TCF12: variants seen among roughly 807,000 people sequenced by gnomAD.
TCF12 encodes the protein DNA-binding protein HTF4.
Under a neutral mutation model 86.0 loss-of-function variants are expected in TCF12, and 45 were observed. The ratio of observed to expected loss-of-function variants is 0.52; its 90% CI spans 0.41 to 0.67. The LOEUF (loss-of-function observed/expected upper bound fraction) is 0.67, where lower values mean the gene tolerates loss of function less well. TCF12 is among the 30% of genes least tolerant of loss of function. The pLI is 0.00. For missense variants in TCF12, 881 were observed against 859.9 expected (o/e 1.02, Z -0.31); for synonymous variants, 330 against 299.6 (o/e 1.10, Z -1.05).
At chr15:57,220,941 A>C (rs2058561734) in intron 8 of TCF12, among the ~76,000 whole-genome samples, 1 of 152,176 alleles carries the variant, frequency 6.6e-6, no homozygotes, top group East Asian at 1.9e-4. Flanking sequence ...TAAGTTATAG[A>C]GAATATTCAA....
chr15:56,927,609 A>C (rs1951079874), intron 3 of TCF12, among the ~76,000 whole-genome samples: 1 of 152,068 alleles, frequency 6.6e-6, no homozygotes, highest in Non-Finnish European at 1.5e-5. Flanking sequence ...ATTTTTGTTA[A>C]TTTGCTTTTT....
chr15:57,078,157 T>C (rs1394843098), intron 4 of TCF12, among the ~76,000 whole-genome samples: 1 of 152,192 alleles, frequency 6.6e-6, no homozygotes, highest in East Asian at 1.9e-4. Context: ...GGGTATTCTT[T>C]AGCAAATCTT....
At chr15:57,259,592 T>C (rs1266888166) in intron 16 of TCF12, among the ~76,000 whole-genome samples, 3 of 152,350 alleles carry the variant, frequency 2.0e-5, no homozygotes, top group African/African-American at 7.2e-5. Context: ...AGATTGAGTA[T>C]GCAGGATGGT....
chr15:57,045,428 T>A (rs1203432532), intron 3 of TCF12, among the ~76,000 whole-genome samples: 1 of 152,238 alleles, frequency 6.6e-6, no homozygotes, highest in African/African-American at 2.4e-5. Context: ...TGACTGACTT[T>A]AAAGAGCAGT....
intron 5 of TCF12, among the ~76,000 whole-genome samples, chr15:57,142,736 G>C (rs1596785179): frequency 1.3e-5 from 2 of 152,158 alleles, no homozygotes; most frequent in African/African-American, 4.8e-5. Flanking sequence ...ACCACCTAAT[G>C]AAGTGGTCGA....
chr15:57,208,029 G>A (rs1453055771), intron 8 of TCF12, among the ~76,000 whole-genome samples: 1 of 139,278 alleles, frequency 7.2e-6, no homozygotes, highest in African/African-American at 2.5e-5. Flanking sequence ...CTGACTTCAA[G>A]ATTCTTTTTT....
chr15:57,258,284 T>TAA (rs1170700717), intron 16 of TCF12, among the ~76,000 whole-genome samples: 1 of 151,808 alleles, frequency 6.6e-6, no homozygotes, highest in Non-Finnish European at 1.5e-5. Context: ...TGTATCAATT[T>TAA]AAAAAAAAGG....
In TCF12 at chr15:57,141,506, C is replaced by T. The variant is rs187932288; in HGVS notation, c.326-24896C>T. 1.1e-3 allele frequency among the ~76,000 whole-genome samples: 170 copies of T among 152,256 alleles called. 3 individuals carry two copies. The highest frequency in any genetic ancestry group is 1.5e-3 in the East Asian group (8 of 5,170). On this transcript the variant is annotated intron_variant, in intron 5 of 20. Coordinates refer to ENST00000333725, the MANE Select transcript of TCF12 (RefSeq NM_207037.2). Reference sequence around the variant, plus strand: ...CTGGGATTACAGGCATGCGCCACCACGCCCAACTAATTTTGTATTTTTAGT... The same window carrying T: ...CTGGGATTACAGGCATGCGCCACCATGCCCAACTAATTTTGTATTTTTAGT...
At chr15:57,050,116 C>T (rs1444661578) in intron 3 of TCF12, among the ~76,000 whole-genome samples, 1 of 152,128 alleles carries the variant, frequency 6.6e-6, no homozygotes, top group South Asian at 2.1e-4. Context: ...CTGTATACCT[C>T]TTCCTATTCT....
rs550493641 is a variant in TCF12 at position 57,223,643 on chromosome 15, G to GTTTTTTTTTTTTTTTTTTTT, written c.580-7500_580-7481dup. ...GTTTTGGCACCTGCCTACCAATGAG[G>GTTTTTTTTTTTTTTTTTTTT]TTTTTTTTTTTTTTTTTTTTTTTTT... On this transcript the variant is annotated intron_variant, in intron 8 of 20. Coordinates refer to ENST00000333725, the MANE Select transcript of TCF12 (RefSeq NM_207037.2). Among the ~76,000 whole-genome samples the GTTTTTTTTTTTTTTTTTTTT allele has an allele frequency of 4.9e-4, 34 of 69,684 alleles. 5 individuals are homozygous for GTTTTTTTTTTTTTTTTTTTT. The highest frequency in any genetic ancestry group is 0.011 in the Middle Eastern group (1 of 92). 45.7% of individuals were successfully genotyped at this position (69,684 alleles called of 152,430 possible).
intron 15 of TCF12, 49 bp from the exon 16 acceptor site, chr15:57,253,213 C>T (rs2060198310): frequency 1.3e-6 from 2 of 1,599,874 alleles, no homozygotes; most frequent in South Asian, 2.2e-5. Flanking sequence ...GTTAATGAAT[C>T]TAACAGATGC....
At chr15:56,996,471 C>T (rs2063720244) in intron 3 of TCF12, among the ~76,000 whole-genome samples, 1 of 152,146 alleles carries the variant, frequency 6.6e-6, no homozygotes, top group Non-Finnish European at 1.5e-5. Flanking sequence ...AGACCCCTAC[C>T]TATCAGTGTA....
At chr15:57,146,415 A>C (rs535346953) in intron 5 of TCF12, among the ~76,000 whole-genome samples, 35 of 152,316 alleles carry the variant, frequency 2.3e-4, no homozygotes, top group African/African-American at 8.4e-4. Context: ...TCATGTAAAA[A>C]TCACTTATAT....
At chr15:57,212,391 C>T (rs1327095547) in intron 8 of TCF12, among the ~76,000 whole-genome samples, 1 of 152,110 alleles carries the variant, frequency 6.6e-6, no homozygotes, top group Non-Finnish European at 1.5e-5. Flanking sequence ...TGAAGCGATC[C>T]TCCCACCTCA....
intron 3 of TCF12, among the ~76,000 whole-genome samples, chr15:57,007,859 T>TC: frequency 1.1e-4 from 1 of 9,252 alleles, no homozygotes; most frequent in African/African-American, 2.4e-4. Context: ...CCTCCCTTCC[T>TC]TCCTTCCTTC....
intron 3 of TCF12, among the ~76,000 whole-genome samples, chr15:57,022,252 G>A (rs1383220110): frequency 6.6e-6 from 1 of 151,504 alleles, no homozygotes; most frequent in African/African-American, 2.4e-5. Context: ...GGTGTGTGAT[G>A]TTCCCCATCC....
At chr15:57,170,800 A>G (rs1256591811) in intron 6 of TCF12, among the ~76,000 whole-genome samples, 1 of 31,180 alleles carries the variant, frequency 3.2e-5, no homozygotes, top group East Asian at 8.8e-4. Context: ...TAATATATAT[A>G]TATAATTTTT....
chr15:57,167,538 G>T (rs188779045), intron 6 of TCF12, among the ~76,000 whole-genome samples: 4 of 152,028 alleles, frequency 2.6e-5, no homozygotes, highest in Admixed American at 6.6e-5. Context: ...TCCAACCAGG[G>T]TGACAGTAAG....
intron 3 of TCF12, among the ~76,000 whole-genome samples, chr15:56,940,503 C>G (rs569085400): frequency 4.0e-5 from 6 of 150,586 alleles, no homozygotes; most frequent in Non-Finnish European, 8.9e-5. Context: ...CCTCCTCCTT[C>G]TTCTTCTCCT....
Sources: gnomAD v4.1 joint callset for allele counts (sites outside exome capture counted in the v4.1 genomes callset) on GRCh38, gnomAD v4.1.1 for gene constraint, MANE v1.5 for transcripts, NCBI Gene and HGNC (gene_info 2026-07-23, HGNC 2026-07-21) for gene names.